GNB1: variants seen among roughly 807,000 people sequenced by gnomAD.
The protein encoded by GNB1 is guanine nucleotide-binding protein G(I)/G(S)/G(T) subunit beta-1.
Under a neutral mutation model 42.9 loss-of-function variants are expected in GNB1, and 2 were observed. The ratio of observed to expected loss-of-function variants is 0.05; its 90% CI spans 0.02 to 0.15. GNB1 has a LOEUF of 0.15. Ranked by LOEUF, GNB1 falls within the 10% of genes least tolerant of loss-of-function variation. GNB1 has a pLI of 1.00. For synonymous variants in GNB1, 183 were observed against 174.7 expected, an observed-to-expected ratio of 1.05 and a Z score of -0.38; for missense variants, 193 against 462.2, an observed-to-expected ratio of 0.42 and a Z score of 5.34.
chr1:1,890,760 C>A (rs1400050721), intron 1 of GNB1, 60 bp downstream of exon 1: 1 of 148,242 alleles, frequency 6.7e-6, no homozygotes, highest in Non-Finnish European at 1.5e-5. Context: ...GCGGGCGCCC[C>A]CAGGGCGGGC....
chr1:1,844,022 C>A (rs1427947031), intron 1 of GNB1, among the ~76,000 whole-genome samples: 1 of 151,922 alleles, frequency 6.6e-6, no homozygotes, highest in Admixed American at 6.6e-5. Flanking sequence ...GATGAAACCC[C>A]GTCTCTACTA....
chr1:1,855,321 CAAAAAAA>C (rs371204734), intron 1 of GNB1, among the ~76,000 whole-genome samples: 1 of 99,596 alleles, frequency 1.0e-5, no homozygotes, highest in Admixed American at 1.1e-4. Flanking sequence ...GACACTGTGT[CAAAAAAA>C]AAAAAAAAGA....
intron 5 of GNB1, among the ~76,000 whole-genome samples, 198 bp from the exon 6 acceptor site, chr1:1,806,736 G>A (rs1182283987): frequency 6.6e-6 from 1 of 152,226 alleles, no homozygotes; most frequent in African/African-American, 2.4e-5. Flanking sequence ...CACTTTGGGA[G>A]GCTGAGGTGG....
At chr1:1,858,650 C>G (rs1334049077) in intron 1 of GNB1, among the ~76,000 whole-genome samples, 1 of 152,182 alleles carries the variant, frequency 6.6e-6, no homozygotes, top group East Asian at 1.9e-4. Flanking sequence ...GCCTAAGCTC[C>G]CAAAACAAAC....
chr1:1,789,500 C>T (rs1373969651), intron 9 of GNB1, among the ~76,000 whole-genome samples: 1 of 152,090 alleles, frequency 6.6e-6, no homozygotes, highest in East Asian at 1.9e-4. Context: ...TGAGACCAGC[C>T]TGACCAACAT....
Position 1,866,635 on chromosome 1 carries a change from T to TAA in GNB1, c.-96+24183_-96+24184dup, listed in dbSNP as rs35188163. On this transcript the variant is annotated intron_variant, in intron 1 of 11. Transcript: ENST00000378609. ...ACTAACTAGTAATAGCTGATGAGCT[T>TAA]AAAAAAAAAAAAAATCGCTAAAAAA... Among the ~76,000 whole-genome samples, 1,029 of 146,414 alleles carry TAA rather than the reference T, an allele frequency of 7.0e-3. 8 individuals carry two copies. Among genetic ancestry groups the TAA allele is most frequent in the South Asian group, 0.015 (69 of 4,652 alleles).
chr1:1,797,120 C>T (rs1309554148), intron 7 of GNB1, among the ~76,000 whole-genome samples: 2 of 152,184 alleles, frequency 1.3e-5, no homozygotes, highest in African/African-American at 4.8e-5. Context: ...TGGCCAGATG[C>T]AGCCCTGTGA....
rs1391573017 is a variant in GNB1 at position 1,786,780 on chromosome 1, T to C, written c.*283A>G. 6.6e-6 allele frequency: 1 copy of C among 152,486 alleles called. No homozygotes were observed. Among genetic ancestry groups the C allele is most frequent in the East Asian group, 1.9e-4 (1 of 5,204 alleles). The allele number at this position is 152,486 out of a possible 1,614,324, so 9.4% of individuals were successfully genotyped here. On this transcript the variant is annotated 3_prime_UTR_variant, in exon 12 of 12. Coordinates refer to ENST00000378609, the MANE Select transcript of GNB1 (RefSeq NM_002074.5). ...TTCTGGTTAACATTTTTATTATATATTTCCTTTTAAAATTCATTCAAGACA... is the reference window on the plus strand; with the variant it reads ...TTCTGGTTAACATTTTTATTATATACTTCCTTTTAAAATTCATTCAAGACA...
intron 2 of GNB1, among the ~76,000 whole-genome samples, chr1:1,825,886 C>G (rs1570675610): frequency 1.3e-5 from 2 of 151,384 alleles, no homozygotes; most frequent in South Asian, 4.2e-4. Context: ...AAAGGAAAGT[C>G]TGAGAACTAT....
intron 1 of GNB1, among the ~76,000 whole-genome samples, chr1:1,869,741 T>G (rs752462366): frequency 2.6e-5 from 4 of 152,172 alleles, no homozygotes; most frequent in Non-Finnish European, 5.9e-5. Context: ...TTGTAATAGG[T>G]CAATATATAC....
At chr1:1,889,508 A>C (rs1050703067) in intron 1 of GNB1, among the ~76,000 whole-genome samples, 4 of 152,160 alleles carry the variant, frequency 2.6e-5, no homozygotes, top group African/African-American at 9.7e-5. Flanking sequence ...CACAATCTTA[A>C]GAAAAAGCTT....
Position 1,825,397 on chromosome 1 carries a change from T to G in GNB1, c.57A>C (p.Arg19=), listed in dbSNP as rs760610446. The G allele has an allele frequency of 3.1e-6, 5 of 1,607,266 alleles. No individual in the cohort carries two copies. The East Asian group carries it at 1.1e-4, about 36-fold the overall frequency. Residue 19 remains arginine (R), a splice_region_variant and synonymous_variant, in exon 3 of 12, where the codon CGA becomes CGC. Transcript: ENST00000378609. The stretch of plus-strand genomic sequence containing the variant: ...AAACCAAGCACACACAACTACATAC[T>G]CGAATCTGGTTCTTAAGTTGCTCGG... ...QEAEQLKNQI[R]DARKACADAT... is the part of the protein sequence containing the mutation.
Position 1,793,286 on chromosome 1 carries a change from C to T in GNB1, c.456G>A (p.Leu152=). ...AGCTGGTGACGATCTGATTGTCATC[C>T]AGGAATCGGCAGCAGGACAGGTAAC... is the stretch of plus-strand genomic sequence containing the variant. ...HTGYLSCCRF[L]DDNQIVTSSG... The change falls in exon 8 of 12, where the codon CTG becomes CTA. Residue 152 remains leucine (L), a synonymous_variant. Transcript: ENST00000378609. 2 of 1,613,304 alleles carry T rather than the reference C, an allele frequency of 1.2e-6. No homozygotes were observed. Among genetic ancestry groups the T allele is most frequent in the Non-Finnish European group, 1.7e-6 (2 of 1,179,444 alleles).
chr1:1,787,555 C>G lies in GNB1; in HGVS notation c.917-118G>C. ...TCATGGGACAAGACCCAGAGTCTCC[C>G]ACGGCCAGGAAGGGAGGGAAAGTTG... On this transcript the variant is annotated intron_variant, in intron 10 of 11. Transcript: ENST00000378609. This position sits in a 1 kb window ranked among gnomAD's most constrained non-coding sequence, Gnocchi z 4.4. The G allele has an allele frequency of 6.5e-6, 4 of 611,004 alleles. No homozygotes were observed. In the South Asian group the frequency reaches 8.3e-5, roughly 13 times the overall value. The allele number at this position is 611,004 out of a possible 1,614,324, so 37.8% of individuals were successfully genotyped here.
At chr1:1,866,220 G>A (rs954254508) in intron 1 of GNB1, among the ~76,000 whole-genome samples, 8 of 152,226 alleles carry the variant, frequency 5.3e-5, no homozygotes, top group Non-Finnish European at 7.3e-5. Context: ...GATTACAGGC[G>A]TGCGCCACTG....
intron 1 of GNB1, among the ~76,000 whole-genome samples, chr1:1,882,041 G>A (rs188590873): frequency 9.2e-5 from 14 of 152,208 alleles, no homozygotes; most frequent in Non-Finnish European, 1.9e-4. Context: ...GGGAGCCACA[G>A]CCACTGCCCT....
intron 1 of GNB1, among the ~76,000 whole-genome samples, chr1:1,841,167 G>A (rs1287008863): frequency 1.3e-5 from 2 of 152,012 alleles, no homozygotes; most frequent in Admixed American, 1.3e-4. Flanking sequence ...TGGGATTACA[G>A]GCGTGAGCCA....
intron 7 of GNB1, among the ~76,000 whole-genome samples, chr1:1,796,718 G>T (rs1646551619): frequency 6.6e-6 from 1 of 152,216 alleles, no homozygotes. Flanking sequence ...ACCCAGTGAG[G>T]AGGTGCAAGG....
chr1:1,851,738 T>TGAA (rs1557928279), intron 1 of GNB1, among the ~76,000 whole-genome samples: 2 of 152,138 alleles, frequency 1.3e-5, no homozygotes, highest in Non-Finnish European at 2.9e-5. Context: ...GGCAGTAGAC[T>TGAA]GAATGTCTGT....
Sources: gnomAD v4.1 joint callset for allele counts (sites outside exome capture counted in the v4.1 genomes callset) on GRCh38, gnomAD v4.1.1 for gene constraint, Gnocchi (gnomAD v3.1) non-coding constraint, MANE v1.5 for transcripts, NCBI Gene and HGNC (gene_info 2026-07-23, HGNC 2026-07-21) for gene names.